NBAS: variants seen among roughly 807,000 people sequenced by gnomAD.
NBAS encodes the protein NBAS subunit of NRZ tethering complex, also known as NAG/BC035112 fusion.
A neutral mutation model predicts 302.5 loss-of-function variants in NBAS; 219 were observed. That is an observed-to-expected ratio of 0.72 (90% CI 0.65 to 0.81). The LOEUF is 0.81. Ranked by LOEUF, NBAS falls within the 30% of genes least tolerant of loss-of-function variation. The pLI is 0.00. For missense variants in NBAS, 2,932 were observed against 2,841.6 expected, an observed-to-expected ratio of 1.03 and a Z score of -0.72; for synonymous variants, 1,118 against 1,021.6, an observed-to-expected ratio of 1.09 and a Z score of -1.80.
the NBAS span, among the ~76,000 whole-genome samples, chr2:15,065,477 A>C: frequency 6.6e-6 from 1 of 152,112 alleles, no homozygotes; most frequent in Non-Finnish European, 1.5e-5. Flanking sequence ...TGGAGATGAC[A>C]TGACCTTATA....
the NBAS span, among the ~76,000 whole-genome samples, chr2:14,993,910 C>T: frequency 9.2e-5 from 14 of 152,016 alleles, no homozygotes; most frequent in African/African-American, 2.7e-4. Flanking sequence ...TTTCAGAGGG[C>T]GGGAGTACAA....
At chr2:14,871,956 T>C in the NBAS span, among the ~76,000 whole-genome samples, 1 of 152,084 alleles carries the variant, frequency 6.6e-6, no homozygotes, top group Admixed American at 6.5e-5. Context: ...TCAAATTGAA[T>C]AGAAAATCAA....
At chr2:15,071,624 C>CAAA in the NBAS span, among the ~76,000 whole-genome samples, 1 of 75,024 alleles carries the variant, frequency 1.3e-5, no homozygotes, top group African/African-American at 4.5e-5. Context: ...ACTCCATCTC[C>CAAA]AAAAAAAAAA....
At chr2:15,441,309 C>A (rs1197554786) in intron 21 of NBAS, among the ~76,000 whole-genome samples, 1 of 152,236 alleles carries the variant, frequency 6.6e-6, no homozygotes, top group African/African-American at 2.4e-5. Flanking sequence ...GCGGATCTCT[C>A]GGCAGAAACT....
rs1478805870 is a variant in NBAS, at chr2:15,379,773, T to C, written c.3419A>G (p.Gln1140Arg). The C allele has an allele frequency of 3.1e-6, 5 of 1,614,084 alleles. No homozygotes were observed. Among genetic ancestry groups the C allele is most frequent in the African/African-American group, 1.3e-5 (1 of 75,048 alleles). Residue 1140 changes from glutamine (Q) to arginine (R), a missense_variant, in exon 30 of 52, where the codon CAG (glutamine) becomes CGG (arginine). By Grantham distance (43) the Gln-to-Arg change is conservative (BLOSUM62 1). Transcript: ENST00000281513. ...TGAACAAGCACTGCAGTGCATCATC[T>C]GTCCAGCCAGGTGGATGTTTTCAAG... ...SRLENIHLAG[Q>R]MMHCSACSEN...
At chr2:15,465,427 T>C (rs1306551549) in intron 19 of NBAS, among the ~76,000 whole-genome samples, 1 of 152,258 alleles carries the variant, frequency 6.6e-6, no homozygotes, top group Non-Finnish European at 1.5e-5. Context: ...ATTTAATGCC[T>C]ATACAATGTG....
Position 15,309,159 on chromosome 2 carries a change from G to A in NBAS, c.4659+12C>T, listed in dbSNP as rs114354862. ...GTCATTTTAAATTCTTCATTGGTAA[G>A]GGCAAACTTACTTGTGGTAAGGCAA... On this transcript the variant is annotated intron_variant, in intron 39 of 51. Coordinates refer to ENST00000281513, the MANE Select transcript of NBAS (RefSeq NM_015909.4). 6.2e-7 allele frequency: 1 copy of A among 1,608,434 alleles called. No individual in the cohort carries two copies.
chr2:15,271,498 A>G (rs966691794), intron 44 of NBAS, among the ~76,000 whole-genome samples: 1 of 152,156 alleles, frequency 6.6e-6, no homozygotes, highest in Non-Finnish European at 1.5e-5. Context: ...GGGAAAGGGG[A>G]GTGGGTAAAT....
At chr2:15,082,435 A>G in the NBAS span, among the ~76,000 whole-genome samples, 2 of 152,166 alleles carry the variant, frequency 1.3e-5, no homozygotes, top group African/African-American at 4.8e-5. Flanking sequence ...GAGTCACGTG[A>G]CAGCAGACCA....
At chr2:15,483,310 G>A (rs533437924) in intron 12 of NBAS, 10 of 416,514 alleles carry the variant, frequency 2.4e-5, no homozygotes, top group Middle Eastern at 3.5e-4. Context: ...AAGATTCATC[G>A]CATCAACTGC....
chr2:15,418,834 C>T (rs147145694), intron 23 of NBAS, among the ~76,000 whole-genome samples: 164 of 152,188 alleles, frequency 1.1e-3, no homozygotes, highest in African/African-American at 3.9e-3. Flanking sequence ...AGGGACGGGC[C>T]GGATCATGAA....
intron 32 of NBAS, among the ~76,000 whole-genome samples, chr2:15,359,481 T>G (rs1432746707): frequency 6.6e-6 from 1 of 152,136 alleles, no homozygotes; most frequent in East Asian, 1.9e-4. Context: ...TCAGAGTAAG[T>G]TTCTAGAGTC....
chr2:15,075,299 CT>C, the NBAS span, among the ~76,000 whole-genome samples: 1 of 152,186 alleles, frequency 6.6e-6, no homozygotes, highest in African/African-American at 2.4e-5. Context: ...CCATTCTCCA[CT>C]CTGGTACCCT....
At chr2:15,015,176 A>G in the NBAS span, among the ~76,000 whole-genome samples, 1 of 151,556 alleles carries the variant, frequency 6.6e-6, no homozygotes, top group African/African-American at 2.4e-5. Context: ...CCAGGATTGG[A>G]TGACTTCACC....
chr2:15,111,770 C>T, the NBAS span, among the ~76,000 whole-genome samples: 45 of 151,472 alleles, frequency 3.0e-4, no homozygotes, highest in Non-Finnish European at 7.4e-5. Context: ...GAGCAAGGAA[C>T]GCTTAGAAGG....
the NBAS span, among the ~76,000 whole-genome samples, chr2:15,098,297 C>CT: frequency 0.056 from 110 of 1,964 alleles, 41 homozygotes; most frequent in African/African-American, 0.084. Context: ...ATATTATATA[C>CT]AATATATAAT....
chr2:14,847,378 A>C, the NBAS span, among the ~76,000 whole-genome samples: 7 of 94,500 alleles, frequency 7.4e-5, no homozygotes, highest in Non-Finnish European at 5.8e-5. Flanking sequence ...GCAAGACTCT[A>C]TCTTAAAAAA....
At position 15,561,267 on chromosome 2, in the gene NBAS, C is replaced by G. The variant is rs1314106746; in HGVS notation, c.38G>C (p.Gly13Ala). 1 of 1,613,942 alleles carries G rather than the reference C, an allele frequency of 6.2e-7. No homozygotes were observed. Among genetic ancestry groups the G allele is most frequent in the East Asian group, 2.2e-5 (1 of 44,858 alleles). The stretch of plus-strand genomic sequence containing the variant: ...CGTCTCCTCCTCACCCTCTGCAGTG[C>G]CTGGACTCAAAGCCGGCCCTGACTC... ...APESGPALSP[G>A]TAEGEEETIL... Residue 13 changes from glycine to alanine, a missense_variant, in exon 1 of 52, where the codon GGC becomes GCC. Transcript: ENST00000281513.
intron 31 of NBAS, among the ~76,000 whole-genome samples, chr2:15,367,482 T>C (rs1217593847): frequency 6.6e-6 from 1 of 152,190 alleles, no homozygotes; most frequent in Non-Finnish European, 1.5e-5. Context: ...AGGTGCTTTA[T>C]GTATATTAAC....
Sources: allele counts gnomAD v4.1 joint callset (sites outside exome capture counted in the v4.1 genomes callset), GRCh38; gene constraint gnomAD v4.1.1; transcripts MANE v1.5; gene names NCBI Gene and HGNC (gene_info 2026-07-23, HGNC 2026-07-21).